DMTF1: variants seen among roughly 807,000 people sequenced by gnomAD.
DMTF1 encodes cyclin D binding myb like transcription factor 1.
DMTF1 carries 39 observed loss-of-function variants against 91.1 expected under a neutral mutation model. That is an observed-to-expected ratio of 0.43 (90% CI 0.33 to 0.56). The LOEUF (loss-of-function observed/expected upper bound fraction) is 0.56. Among genes scored for constraint, DMTF1 ranks in the 20% least tolerant of loss-of-function variants. DMTF1 has a pLI of 0.05. For missense variants in DMTF1, 750 were observed against 914.5 expected (o/e 0.82, Z 2.32); for synonymous variants, 338 against 309.5 (o/e 1.09, Z -0.97).
At chr7:87,163,731 A>G (rs1793087416) in intron 2 of DMTF1, 114 bp downstream of exon 2, 1 of 152,216 alleles carries the variant, frequency 6.6e-6, no homozygotes, top group African/African-American at 2.4e-5. Context: ...TGTAAAATGA[A>G]TGATGTCCTT....
At chr7:87,163,938 G>T (rs1163240885) in intron 2 of DMTF1, among the ~76,000 whole-genome samples, 1 of 151,910 alleles carries the variant, frequency 6.6e-6, no homozygotes, top group Non-Finnish European at 1.5e-5. Context: ...AGCTATTCGG[G>T]TGGCTAAGAC....
intron 1 of DMTF1, among the ~76,000 whole-genome samples, chr7:87,153,194 A>G (rs977705622): frequency 2.6e-5 from 4 of 151,922 alleles, no homozygotes; most frequent in Non-Finnish European, 4.4e-5. Context: ...AGACATAGAG[A>G]ATCGGGATAG....
intron 13 of DMTF1, among the ~76,000 whole-genome samples, chr7:87,189,021 A>G (rs1212217372): frequency 6.6e-6 from 1 of 152,170 alleles, no homozygotes; most frequent in East Asian, 1.9e-4. Flanking sequence ...GAGTATTCCA[A>G]TCACTATGTT....
At chr7:87,191,460 A>G (rs1393318426) in intron 14 of DMTF1, among the ~76,000 whole-genome samples, 2 of 152,178 alleles carry the variant, frequency 1.3e-5, no homozygotes, top group African/African-American at 2.4e-5. Context: ...GAGGTTAAGC[A>G]CAGTTACCAA....
intron 1 of DMTF1, among the ~76,000 whole-genome samples, chr7:87,156,214 T>A (rs986852042): frequency 6.6e-6 from 1 of 152,206 alleles, no homozygotes; most frequent in African/African-American, 2.4e-5. Flanking sequence ...CATTTTTGCT[T>A]TTTGAATAAG....
At chr7:87,167,478 G>A (rs1009529185) in intron 4 of DMTF1, among the ~76,000 whole-genome samples, 1 of 152,180 alleles carries the variant, frequency 6.6e-6, no homozygotes, top group Non-Finnish European at 1.5e-5. Flanking sequence ...ACAAAGGAGG[G>A]TTTTGCCATA....
chr7:87,191,589 A>C (rs755037687), intron 14 of DMTF1, among the ~76,000 whole-genome samples: 1 of 152,162 alleles, frequency 6.6e-6, no homozygotes, highest in Non-Finnish European at 1.5e-5. Context: ...TGCTATTGCC[A>C]TGCAAATATT....
chr7:87,153,360 C>T (rs1421686690), intron 1 of DMTF1, among the ~76,000 whole-genome samples: 1 of 152,120 alleles, frequency 6.6e-6, no homozygotes, highest in Non-Finnish European at 1.5e-5. Flanking sequence ...TTGTTAAGTC[C>T]ACTTTGTTCT....
intron 4 of DMTF1, among the ~76,000 whole-genome samples, chr7:87,170,410 C>T (rs10257953): frequency 0.84 from 128,537 of 152,228 alleles, 54,507 homozygotes; most frequent in Middle Eastern, 0.96. Flanking sequence ...CCAAAACCTT[C>T]TGGCTTACAA....
chr7:87,157,941 TACTA>T (rs1713244835), intron 1 of DMTF1, among the ~76,000 whole-genome samples: 1 of 152,096 alleles, frequency 6.6e-6, no homozygotes, highest in South Asian at 2.1e-4. Context: ...GTTTTTAAAA[TACTA>T]AGTACACATT....
At chr7:87,190,196 CT>C (rs1341668108) in intron 13 of DMTF1, among the ~76,000 whole-genome samples, 1 of 151,978 alleles carries the variant, frequency 6.6e-6, no homozygotes, top group Non-Finnish European at 1.5e-5. Flanking sequence ...ACTGTCTGAT[CT>C]TTATTCAGTC....
At chr7:87,157,320 T>C (rs1246832282) in intron 1 of DMTF1, among the ~76,000 whole-genome samples, 1 of 152,132 alleles carries the variant, frequency 6.6e-6, no homozygotes, top group African/African-American at 2.4e-5. Flanking sequence ...TCATCCCATG[T>C]TCCATTTTAG....
intron 7 of DMTF1, among the ~76,000 whole-genome samples, chr7:87,177,470 C>T (rs1325319044): frequency 6.6e-6 from 1 of 151,984 alleles, no homozygotes; most frequent in Admixed American, 6.6e-5. Context: ...TTAACTTAGA[C>T]TTTCTTAATG....
intron 1 of DMTF1, among the ~76,000 whole-genome samples, chr7:87,160,276 C>CTTTTT (rs753441691): frequency 2.2e-5 from 3 of 134,692 alleles, no homozygotes; most frequent in Non-Finnish European, 3.2e-5. Context: ...TTTGTCATTT[C>CTTTTT]TTTTTTTTTT....
In DMTF1 at chr7:87,173,492, T is replaced by C. The variant is rs554753307; in HGVS notation, c.328-43T>C. 102 of 1,307,626 alleles carry C rather than the reference T, an allele frequency of 7.8e-5. No homozygotes were observed. In the African/African-American group the frequency reaches 1.4e-3, roughly 18 times the overall value. The allele number at this position is 1,307,626 out of a possible 1,614,324, so 81.0% of individuals were successfully genotyped here. A position where few individuals can be genotyped will look rare whatever the true frequency, so the allele number is the denominator to read the frequency against. ...GCATTAAATCAAGCTGCCATTTTTT[T>C]GTTTTGTTTTGTTTTGTTTTGTTTT... On this transcript the variant is annotated intron_variant, in intron 5 of 17. Coordinates refer to ENST00000331242, the MANE Select transcript of DMTF1 (RefSeq NM_001142327.2).
intron 7 of DMTF1, among the ~76,000 whole-genome samples, chr7:87,178,519 T>A (rs1424093913): frequency 6.6e-6 from 1 of 152,030 alleles, no homozygotes; most frequent in African/African-American, 2.4e-5. Context: ...TTTCCATAAA[T>A]TTGCTGATGT....
chr7:87,181,569 G>GA (rs2129146379), intron 9 of DMTF1, among the ~76,000 whole-genome samples: 1 of 152,230 alleles, frequency 6.6e-6, no homozygotes, highest in Non-Finnish European at 1.5e-5. Context: ...TGCTTCCTCA[G>GA]ACCACTAATA....
intron 13 of DMTF1, among the ~76,000 whole-genome samples, chr7:87,188,963 CT>C (rs1436098056): frequency 6.6e-6 from 1 of 152,112 alleles, no homozygotes; most frequent in African/African-American, 2.4e-5. Flanking sequence ...CATATTCTTC[CT>C]TGTTTTTGGT....
chr7:87,195,194 A>G lies in DMTF1; in HGVS notation c.*54A>G. 1 of 1,285,498 alleles carries G rather than the reference A, an allele frequency of 7.8e-7. No homozygotes were observed. The highest frequency in any genetic ancestry group is 1.2e-5 in the South Asian group (1 of 81,232). 79.6% of individuals were successfully genotyped at this position (1,285,498 alleles called of 1,614,324 possible). A position where few individuals can be genotyped will look rare whatever the true frequency, so the allele number is the denominator to read the frequency against. On this transcript the variant is annotated 3_prime_UTR_variant, in exon 18 of 18. Coordinates refer to ENST00000331242, the MANE Select transcript of DMTF1 (RefSeq NM_001142327.2). ...CAAAGAAGGCACACTGTTAATTACA[A>G]CCTCTTCAAAGAAATAGGAGCAACC...
Sources: gnomAD v4.1 joint callset for allele counts (sites outside exome capture counted in the v4.1 genomes callset) on GRCh38, gnomAD v4.1.1 for gene constraint, MANE v1.5 for transcripts, NCBI Gene and HGNC (gene_info 2026-07-23, HGNC 2026-07-21) for gene names.